ADAMTSL3: variants seen among roughly 807,000 people sequenced by gnomAD.
ADAMTSL3 encodes the protein ADAMTS-like protein 3.
In ADAMTSL3, 128 loss-of-function variants were observed where a neutral mutation model predicts 201.7. The observed-to-expected ratio is 0.63, with a 90% CI of 0.55 to 0.73. The LOEUF (loss-of-function observed/expected upper bound fraction) is 0.73, where lower values mean the gene tolerates loss of function less well. Among genes scored for constraint, ADAMTSL3 ranks in the 30% least tolerant of loss-of-function variants. The probability of loss-of-function intolerance (pLI) is 0.00; values close to 1 mark genes in which losing one functional copy is unlikely to be tolerated. For missense variants in ADAMTSL3, 1,990 were observed against 2,119.6 expected, an observed-to-expected ratio of 0.94 and a Z score of 1.20; for synonymous variants, 738 against 748.4, an observed-to-expected ratio of 0.99 and a Z score of 0.23.
At chr15:83,705,729 G>T (rs984839962) in intron 3 of ADAMTSL3, among the ~76,000 whole-genome samples, 40 of 152,182 alleles carry the variant, frequency 2.6e-4, no homozygotes, top group African/African-American at 9.7e-4. Context: ...CCATCCTTGA[G>T]GCTGCTGCTC....
chr15:83,820,353 C>T (rs527499642), intron 6 of ADAMTSL3, among the ~76,000 whole-genome samples: 286 of 152,268 alleles, frequency 1.9e-3, no homozygotes, highest in Admixed American at 3.9e-3. Flanking sequence ...GCTGGGATTA[C>T]AGGCATGAGC....
At chr15:83,708,649 G>A (rs2061888386) in intron 3 of ADAMTSL3, among the ~76,000 whole-genome samples, 1 of 152,104 alleles carries the variant, frequency 6.6e-6, no homozygotes, top group African/African-American at 2.4e-5. Flanking sequence ...TTTGGACTTT[G>A]GATTCTTTAT....
At chr15:83,975,193 G>A (rs545803976) in intron 20 of ADAMTSL3, among the ~76,000 whole-genome samples, 15 of 151,720 alleles carry the variant, frequency 9.9e-5, no homozygotes, top group Middle Eastern at 3.4e-3. Flanking sequence ...TAGTAGAGAC[G>A]GGGTTTCACC....
intron 3 of ADAMTSL3, among the ~76,000 whole-genome samples, chr15:83,729,130 T>C (rs1173279497): frequency 3.9e-5 from 6 of 152,118 alleles, no homozygotes; most frequent in Non-Finnish European, 8.8e-5. Flanking sequence ...GCCAGATATA[T>C]TGGGGCTCCA....
intron 19 of ADAMTSL3, among the ~76,000 whole-genome samples, chr15:83,956,712 A>G (rs1250249682): frequency 6.6e-6 from 1 of 152,128 alleles, no homozygotes; most frequent in African/African-American, 2.4e-5. Flanking sequence ...TAACCTGAAT[A>G]CACTTTATTT....
chr15:83,903,772 G>T (rs2065773025), intron 15 of ADAMTSL3, among the ~76,000 whole-genome samples: 2 of 151,038 alleles, frequency 1.3e-5, no homozygotes, highest in African/African-American at 4.9e-5. Flanking sequence ...ACAAAAATTA[G>T]CCGGGTGTGG....
chr15:83,951,596 T>C (rs2066758354), intron 19 of ADAMTSL3, among the ~76,000 whole-genome samples: 1 of 152,142 alleles, frequency 6.6e-6, no homozygotes, highest in African/African-American at 2.4e-5. Context: ...TTGGTCTTAG[T>C]TCTTTAAATG....
chr15:83,666,182 TGAG>T (rs2061245986), intron 2 of ADAMTSL3, among the ~76,000 whole-genome samples: 2 of 152,324 alleles, frequency 1.3e-5, no homozygotes, highest in African/African-American at 2.4e-5. Context: ...TTTAATATTA[TGAG>T]GAGTATTTTC....
At chr15:83,752,678 A>G (rs2062656346) in intron 3 of ADAMTSL3, among the ~76,000 whole-genome samples, 2 of 152,242 alleles carry the variant, frequency 1.3e-5, no homozygotes, top group South Asian at 4.1e-4. Flanking sequence ...CATGTGCATA[A>G]CAAGTGCTTG....
intron 15 of ADAMTSL3, among the ~76,000 whole-genome samples, chr15:83,910,018 C>G (rs1286578515): frequency 6.6e-6 from 1 of 152,198 alleles, no homozygotes; most frequent in African/African-American, 2.4e-5. Flanking sequence ...CTCTTTCTCT[C>G]TCTCTCAACA....
intron 13 of ADAMTSL3, among the ~76,000 whole-genome samples, chr15:83,897,464 A>G (rs983001145): frequency 6.6e-6 from 1 of 152,152 alleles, no homozygotes; most frequent in Admixed American, 6.5e-5. Flanking sequence ...ATTTTATTAT[A>G]TTTTTATTGA....
In ADAMTSL3 at chr15:83,804,842, A is replaced by G. The variant is rs189232133; in HGVS notation, c.363+147A>G. The G allele has an allele frequency of 7.5e-6, 4 of 534,542 alleles. No homozygotes were observed. The East Asian group carries it at 1.4e-4, about 18-fold the overall frequency. The allele number at this position is 534,542 out of a possible 1,614,324, so 33.1% of individuals were successfully genotyped here. A position where few individuals can be genotyped will look rare whatever the true frequency, so the allele number is the denominator to read the frequency against. The stretch of plus-strand genomic sequence containing the variant: ...TTCTTTAATTGACAACAGATTTTGT[A>G]TATCAAATATCTTCCATTTATACTA... On this transcript the variant is annotated intron_variant, in intron 5 of 29. Coordinates refer to ENST00000286744, the MANE Select transcript of ADAMTSL3 (RefSeq NM_207517.3).
intron 3 of ADAMTSL3, among the ~76,000 whole-genome samples, chr15:83,719,918 T>C (rs2062074469): frequency 2.0e-5 from 3 of 152,240 alleles, no homozygotes; most frequent in Admixed American, 2.0e-4. Flanking sequence ...CCTAGGTCTT[T>C]TTCAAGAGAA....
At chr15:83,816,370 G>A (rs1478485437) in intron 5 of ADAMTSL3, among the ~76,000 whole-genome samples, 1 of 152,214 alleles carries the variant, frequency 6.6e-6, no homozygotes, top group Non-Finnish European at 1.5e-5. Flanking sequence ...TGTGGCCAAG[G>A]GGGCTGGTCA....
At chr15:83,666,369 G>C (rs2061247950) in intron 2 of ADAMTSL3, among the ~76,000 whole-genome samples, 1 of 152,170 alleles carries the variant, frequency 6.6e-6, no homozygotes, top group African/African-American at 2.4e-5. Context: ...GAAATTTTAA[G>C]ACCTTTAATA....
intron 23 of ADAMTSL3, among the ~76,000 whole-genome samples, chr15:84,002,213 C>G (rs1379489728): frequency 6.6e-6 from 1 of 152,096 alleles, no homozygotes; most frequent in African/African-American, 2.4e-5. Context: ...TACGAAAAAA[C>G]AGGAGGGGCT....
intron 13 of ADAMTSL3, among the ~76,000 whole-genome samples, chr15:83,897,155 T>A (rs1481455943): frequency 7.9e-5 from 12 of 152,190 alleles, no homozygotes; most frequent in Admixed American, 7.9e-4. Flanking sequence ...TCTAGATTTT[T>A]ATATGACATG....
chr15:83,886,851 T>G (rs529983138), intron 10 of ADAMTSL3, among the ~76,000 whole-genome samples: 47 of 152,330 alleles, frequency 3.1e-4, no homozygotes, highest in Middle Eastern at 3.4e-3. Context: ...GGGCAGGCAC[T>G]TTTTTGGGAA....
chr15:83,904,289 T>G (rs7183263), intron 15 of ADAMTSL3, among the ~76,000 whole-genome samples: 94,953 of 151,482 alleles, frequency 0.63, 30,851 homozygotes, highest in African/African-American at 0.79. Context: ...GAAGTTTATA[T>G]TTTCCTGCCA....
Sources: gnomAD v4.1 joint callset for allele counts (sites outside exome capture counted in the v4.1 genomes callset) on GRCh38, gnomAD v4.1.1 for gene constraint, MANE v1.5 for transcripts, NCBI Gene and HGNC (gene_info 2026-07-23, HGNC 2026-07-21) for gene names.